Variants in MDGA2 observed in about 807,000 individuals in gnomAD.
MDGA2 encodes MAM domain containing glycosylphosphatidylinositol anchor 2.
MDGA2 carries 40 observed loss-of-function variants against 117.8 expected under a neutral mutation model. The ratio of observed to expected loss-of-function variants is 0.34; its 90% CI spans 0.26 to 0.44. The LOEUF is 0.44. MDGA2 is among the 20% of genes least tolerant of loss of function. The probability of loss-of-function intolerance (pLI) is 1.00; values close to 1 mark genes in which losing one functional copy is unlikely to be tolerated. For missense variants in MDGA2, 1,123 were observed against 1,250.6 expected, an observed-to-expected ratio of 0.90 and a Z score of 1.54; for synonymous variants, 452 against 439.0, an observed-to-expected ratio of 1.03 and a Z score of -0.37.
At chr14:47,355,612 A>AC (rs1890977182) in intron 1 of MDGA2, among the ~76,000 whole-genome samples, 1 of 152,034 alleles carries the variant, frequency 6.6e-6, no homozygotes, top group East Asian at 1.9e-4. Context: ...AAACTGCCAG[A>AC]GAAAGTGCTC....
intron 3 of MDGA2, among the ~76,000 whole-genome samples, chr14:47,164,133 C>T (rs1241319312): frequency 6.6e-6 from 1 of 152,160 alleles, no homozygotes; most frequent in Admixed American, 6.5e-5. Flanking sequence ...TTGAAATCTG[C>T]TGCTTGTATG....
At chr14:47,099,326 A>G (rs1880163042) in intron 5 of MDGA2, among the ~76,000 whole-genome samples, 1 of 151,978 alleles carries the variant, frequency 6.6e-6, no homozygotes, top group Non-Finnish European at 1.5e-5. Context: ...AACCAGAGAC[A>G]TTCAGATTTA....
intron 8 of MDGA2, among the ~76,000 whole-genome samples, chr14:47,030,443 G>A (rs1227907184): frequency 6.6e-6 from 1 of 151,986 alleles, no homozygotes; most frequent in Non-Finnish European, 1.5e-5. Flanking sequence ...GAACCAGGGA[G>A]GCGGAAGTTG....
intron 1 of MDGA2, among the ~76,000 whole-genome samples, chr14:47,488,131 G>T (rs922339747): frequency 1.3e-5 from 2 of 152,064 alleles, no homozygotes; most frequent in African/African-American, 4.8e-5. Context: ...AAGTTTAAAT[G>T]AATATTTTAT....
intron 1 of MDGA2, among the ~76,000 whole-genome samples, chr14:47,504,762 C>T (rs1026460799): frequency 6.6e-6 from 1 of 152,152 alleles, no homozygotes; most frequent in Admixed American, 6.5e-5. Context: ...TAAACTAGTA[C>T]AGCCATTATG....
At chr14:47,248,918 C>T (rs1449249694) in intron 2 of MDGA2, among the ~76,000 whole-genome samples, 1 of 151,314 alleles carries the variant, frequency 6.6e-6, no homozygotes, top group Admixed American at 6.6e-5. Context: ...TTATGTTTCC[C>T]TTCCTTCCTT....
intron 10 of MDGA2, among the ~76,000 whole-genome samples, chr14:46,890,044 T>C (rs983396004): frequency 6.6e-6 from 1 of 152,060 alleles, no homozygotes; most frequent in African/African-American, 2.4e-5. Flanking sequence ...TGGAACTCTG[T>C]ATTTGCTTTG....
At chr14:47,174,079 A>C (rs979573313) in intron 3 of MDGA2, among the ~76,000 whole-genome samples, 1 of 152,244 alleles carries the variant, frequency 6.6e-6, no homozygotes, top group African/African-American at 2.4e-5. Context: ...AAAGGGATCG[A>C]TTCAACAAGA....
At chr14:47,527,841 C>A (rs1045227785) in intron 1 of MDGA2, among the ~76,000 whole-genome samples, 3 of 152,112 alleles carry the variant, frequency 2.0e-5, no homozygotes, top group Admixed American at 2.0e-4. Flanking sequence ...CATCCACTAC[C>A]AATTATCCTC....
At chr14:47,185,958 G>C (rs1464984629) in intron 3 of MDGA2, among the ~76,000 whole-genome samples, 2 of 151,494 alleles carry the variant, frequency 1.3e-5, no homozygotes, top group Admixed American at 1.3e-4. Context: ...TTTATAATTA[G>C]GATGGAAGGC....
At chr14:47,524,588 A>T (rs1335258549) in intron 1 of MDGA2, among the ~76,000 whole-genome samples, 1 of 152,218 alleles carries the variant, frequency 6.6e-6, no homozygotes, top group Admixed American at 6.5e-5. Flanking sequence ...TGTAAAAAGG[A>T]ATAAAATACC....
At chr14:46,880,400 T>A (rs771112467) in intron 11 of MDGA2, among the ~76,000 whole-genome samples, 1 of 152,022 alleles carries the variant, frequency 6.6e-6, no homozygotes, top group Non-Finnish European at 1.5e-5. Flanking sequence ...TAATGATTCA[T>A]TCAAACCTGA....
At chr14:47,586,548 C>A (rs1376821450) in intron 1 of MDGA2, among the ~76,000 whole-genome samples, 1 of 151,890 alleles carries the variant, frequency 6.6e-6, no homozygotes, top group East Asian at 1.9e-4. Context: ...GGACTCAAGT[C>A]CACTGGGCAC....
intron 2 of MDGA2, among the ~76,000 whole-genome samples, chr14:47,266,551 C>T (rs1887971520): frequency 6.6e-6 from 1 of 152,186 alleles, no homozygotes; most frequent in South Asian, 2.1e-4. Context: ...AAATCTGATT[C>T]TGTCAATATC....
intron 9 of MDGA2, among the ~76,000 whole-genome samples, chr14:46,949,809 A>C (rs1241941907): frequency 1.3e-5 from 2 of 151,946 alleles, no homozygotes; most frequent in Non-Finnish European, 2.9e-5. Flanking sequence ...TGCTGCAATA[A>C]ACATAGGAGT....
chr14:47,050,345 C>T (rs963293769), intron 7 of MDGA2, among the ~76,000 whole-genome samples: 1 of 152,020 alleles, frequency 6.6e-6, no homozygotes, highest in Non-Finnish European at 1.5e-5. Context: ...AAGTGTTTAA[C>T]CTAGCAATGA....
At chr14:46,859,475 A>G (rs1881420332) in intron 14 of MDGA2, among the ~76,000 whole-genome samples, 1 of 152,114 alleles carries the variant, frequency 6.6e-6, no homozygotes, top group African/African-American at 2.4e-5. Flanking sequence ...AATGACATCA[A>G]TTGTACAGTA....
Position 47,568,701 on chromosome 14 carries a change from G to T in MDGA2, c.280+105816C>A, listed in dbSNP as rs182478440. ...TGGTAAAATTATCTTTCTGCCAATC[G>T]TTATAGTCTATAAAAAATAATCCTG... On this transcript the variant is annotated intron_variant, in intron 1 of 16. Coordinates refer to ENST00000399232, the MANE Select transcript of MDGA2 (RefSeq NM_001113498.3). Among the ~76,000 whole-genome samples the T allele has an allele frequency of 3.2e-3, 488 of 152,208 alleles. 2 individuals carry two copies. Among genetic ancestry groups the T allele is most frequent in the Non-Finnish European group, 4.7e-3 (321 of 67,982 alleles).
At chr14:47,019,049 G>T (rs796551386) in intron 8 of MDGA2, among the ~76,000 whole-genome samples, 3 of 152,168 alleles carry the variant, frequency 2.0e-5, no homozygotes, top group East Asian at 1.9e-4. Context: ...ATCTAGCAGA[G>T]AAATTTATTG....
Sources: allele counts gnomAD v4.1 joint callset (sites outside exome capture counted in the v4.1 genomes callset), GRCh38; gene constraint gnomAD v4.1.1; transcripts MANE v1.5; gene names NCBI Gene and HGNC (gene_info 2026-07-23, HGNC 2026-07-21).